ADGRL3: variants seen among roughly 807,000 people sequenced by gnomAD.
ADGRL3 encodes adhesion G protein-coupled receptor L3, also known as calcium-independent alpha-latrotoxin receptor 3.
In ADGRL3, 62 loss-of-function variants were observed where a neutral mutation model predicts 153.5. That is an observed-to-expected ratio of 0.40 (90% CI 0.33 to 0.50). ADGRL3 has a LOEUF of 0.50. Among genes scored for constraint, ADGRL3 ranks in the 20% least tolerant of loss-of-function variants. The pLI is 0.47. For missense variants in ADGRL3, 1,641 were observed against 1,859.4 expected (o/e 0.88, Z 2.16); for synonymous variants, 710 against 672.5 (o/e 1.06, Z -0.86).
In ADGRL3 at chr4:61,672,357, AC is replaced by A. The variant is rs369816450; in HGVS notation, c.474-4467del. 8.7e-4 allele frequency among the ~76,000 whole-genome samples: 132 copies of A among 152,156 alleles called. 2 individuals carry two copies. Among genetic ancestry groups the A allele is most frequent in the African/African-American group, 3.1e-3 (129 of 41,536 alleles). On this transcript the variant is annotated intron_variant, in intron 5 of 26. Coordinates refer to ENST00000683033, the MANE Select transcript of ADGRL3 (RefSeq NM_001387552.1). ...TGGCACATTTGTTGAAAATTAATTG[AC>A]CATAAACATGTGGATTAATTTCCGG...
At chr4:61,688,840 A>C (rs566889973) in intron 6 of ADGRL3, among the ~76,000 whole-genome samples, 5 of 152,200 alleles carry the variant, frequency 3.3e-5, no homozygotes, top group Admixed American at 3.3e-4. Flanking sequence ...ACACAGAGCT[A>C]ATTACAAAGG....
At chr4:61,847,922 T>TATAATATAAAATATATTATAC (rs1367212982) in intron 9 of ADGRL3, among the ~76,000 whole-genome samples, 6 of 10,662 alleles carry the variant, frequency 5.6e-4, no homozygotes, top group African/African-American at 6.5e-4. Context: ...ATATATTATA[T>TATAATATAAAATATATTATAC]ATATAATATA....
At chr4:61,310,771 T>G (rs761772629) in intron 1 of ADGRL3, among the ~76,000 whole-genome samples, 20 of 152,104 alleles carry the variant, frequency 1.3e-4, no homozygotes, top group Middle Eastern at 6.8e-3. Flanking sequence ...CCCTTTCCTT[T>G]CATCTGCTGC....
At chr4:61,322,286 G>T (rs1179560742) in intron 1 of ADGRL3, among the ~76,000 whole-genome samples, 1 of 152,164 alleles carries the variant, frequency 6.6e-6, no homozygotes, top group Non-Finnish European at 1.5e-5. Flanking sequence ...AATCATGGGA[G>T]ATACAAGATG....
chr4:61,825,357 C>A (rs149548006), intron 9 of ADGRL3, among the ~76,000 whole-genome samples: 1 of 152,012 alleles, frequency 6.6e-6, no homozygotes, highest in South Asian at 2.1e-4. Flanking sequence ...GCTTTATAAC[C>A]TAAAGAATGC....
At chr4:61,330,780 C>A (rs1391720097) in intron 1 of ADGRL3, among the ~76,000 whole-genome samples, 6 of 152,124 alleles carry the variant, frequency 3.9e-5, no homozygotes, top group Non-Finnish European at 8.8e-5. Flanking sequence ...CTTTTATTCC[C>A]TTATTTGTCC....
chr4:61,853,384 G>A (rs2098229844), intron 9 of ADGRL3, among the ~76,000 whole-genome samples: 1 of 152,166 alleles, frequency 6.6e-6, no homozygotes, highest in African/African-American at 2.4e-5. Flanking sequence ...GACTTCTGGG[G>A]AGGGTGAAAT....
At chr4:61,284,812 A>G (rs2093867834) in intron 1 of ADGRL3, among the ~76,000 whole-genome samples, 1 of 151,840 alleles carries the variant, frequency 6.6e-6, no homozygotes, top group South Asian at 2.1e-4. Flanking sequence ...ATAAAAATGG[A>G]AAATAATTTA....
At chr4:61,550,491 C>A (rs1340874402) in intron 4 of ADGRL3, among the ~76,000 whole-genome samples, 1 of 151,756 alleles carries the variant, frequency 6.6e-6, no homozygotes, top group African/African-American at 2.4e-5. Context: ...GTGTATATAC[C>A]CCAATTGGAC....
At chr4:61,740,143 A>T (rs2096565718) in intron 8 of ADGRL3, among the ~76,000 whole-genome samples, 1 of 152,242 alleles carries the variant, frequency 6.6e-6, no homozygotes, top group Admixed American at 6.5e-5. Flanking sequence ...GCAGAGCACC[A>T]GATACAGAAC....
chr4:61,433,355 G>GCTTT (rs2097399024), intron 2 of ADGRL3, among the ~76,000 whole-genome samples: 1 of 105,896 alleles, frequency 9.4e-6, no homozygotes, highest in African/African-American at 3.1e-5. Flanking sequence ...ACTGTGAATA[G>GCTTT]CTTTTTTTTT....
At chr4:61,625,945 G>A (rs1032239259) in intron 5 of ADGRL3, among the ~76,000 whole-genome samples, 3 of 152,014 alleles carry the variant, frequency 2.0e-5, no homozygotes, top group Admixed American at 2.0e-4. Flanking sequence ...ATACAACCAT[G>A]ATTAAGTGTC....
intron 4 of ADGRL3, among the ~76,000 whole-genome samples, chr4:61,530,120 G>C (rs772878808): frequency 1.3e-5 from 2 of 152,016 alleles, no homozygotes; most frequent in East Asian, 3.9e-4. Flanking sequence ...GAAAATAATG[G>C]GTATTAAATT....
rs373735091 is a variant in ADGRL3 at position 61,664,668 on chromosome 4, C to T, written c.474-12158C>T. Among the ~76,000 whole-genome samples, 131 of 152,216 alleles carry T rather than the reference C, an allele frequency of 8.6e-4. 2 individuals carry two copies. Among genetic ancestry groups the T allele is most frequent in the African/African-American group, 3.1e-3 (128 of 41,534 alleles). ...TTAATCAGACTATACACTAAAATGC[C>T]TCATATCATATACATTTAAAGTAAA... On this transcript the variant is annotated intron_variant, in intron 5 of 26. Transcript: ENST00000683033.
intron 5 of ADGRL3, among the ~76,000 whole-genome samples, chr4:61,630,299 A>G (rs535857063): frequency 9.2e-5 from 14 of 152,312 alleles, no homozygotes; most frequent in African/African-American, 3.4e-4. Context: ...ATGTTATTAA[A>G]ATTTCATATA....
chr4:61,660,333 A>T (rs1027889358), intron 5 of ADGRL3, among the ~76,000 whole-genome samples: 1 of 152,178 alleles, frequency 6.6e-6, no homozygotes, highest in Non-Finnish European at 1.5e-5. Context: ...TCAGAAGGAT[A>T]AAGTTGTTTG....
intron 17 of ADGRL3, 51 bp downstream of exon 17, chr4:61,948,327 T>A: frequency 1.4e-6 from 2 of 1,383,250 alleles, no homozygotes; most frequent in Non-Finnish European, 2.0e-6. Context: ...ATATGGTCAC[T>A]AACTGTAAAT....
At chr4:61,491,281 A>G (rs2098255418) in intron 2 of ADGRL3, among the ~76,000 whole-genome samples, 1 of 152,148 alleles carries the variant, frequency 6.6e-6, no homozygotes, top group Non-Finnish European at 1.5e-5. Flanking sequence ...GCAATATTGT[A>G]AAATAATGGA....
At chr4:61,357,332 A>ATT (rs1175407054) in intron 1 of ADGRL3, among the ~76,000 whole-genome samples, 2 of 152,150 alleles carry the variant, frequency 1.3e-5, no homozygotes, top group African/African-American at 4.8e-5. Context: ...TTAAAAATGT[A>ATT]GTAGAATTTT....
Sources: allele counts gnomAD v4.1 joint callset (sites outside exome capture counted in the v4.1 genomes callset), GRCh38; gene constraint gnomAD v4.1.1; transcripts MANE v1.5; gene names NCBI Gene and HGNC (gene_info 2026-07-23, HGNC 2026-07-21).